The following PIEZO2 variants were observed in gnomAD, a reference collection of about 807,000 sequenced individuals.
The protein encoded by PIEZO2 is piezo type mechanosensitive ion channel component 2.
In PIEZO2, 172 loss-of-function variants were observed where a neutral mutation model predicts 337.3. That is an observed-to-expected ratio of 0.51 (90% CI 0.45 to 0.58). PIEZO2 has a LOEUF of 0.58. Among genes scored for constraint, PIEZO2 ranks in the 20% least tolerant of loss-of-function variants. The probability of loss-of-function intolerance (pLI) is 0.00; values close to 1 mark genes in which losing one functional copy is unlikely to be tolerated. For missense variants in PIEZO2, 3,028 were observed against 3,391.3 expected (o/e 0.89, Z 2.66); for synonymous variants, 1,251 against 1,228.5 (o/e 1.02, Z -0.38).
At position 10,704,594 on chromosome 18, in the gene PIEZO2, A is replaced by G. The variant is rs990955879; in HGVS notation, c.6058T>C (p.Phe2020Leu). 1.7e-5 allele frequency: 26 copies of G among 1,537,182 alleles called. No homozygotes were observed. The highest frequency in any genetic ancestry group is 2.3e-5 in the Non-Finnish European group (26 of 1,146,928). ...TACATGGCATAGAAGAGCAGCAGAA[A>G]TCGGGGCTGCCCCACGTAGAATTTC... is the stretch of plus-strand genomic sequence containing the variant. ...SEKFYVGQPR[F>L]LLLFYAMYNT... The change falls in exon 42 of 56, where the codon TTT becomes CTT. Residue 2020 changes from phenylalanine to leucine, a missense_variant. By Grantham distance (22) the Phe-to-Leu change is conservative (BLOSUM62 0). This residue lies in a region of PIEZO2 where 1,925 missense variants were observed against 2,051.9 expected (regional missense o/e 0.94). Coordinates refer to ENST00000674853, the MANE Select transcript of PIEZO2 (RefSeq NM_001378183.1).
chr18:11,046,591 G>A (rs141399620), intron 2 of PIEZO2, among the ~76,000 whole-genome samples: 288 of 152,350 alleles, frequency 1.9e-3, no homozygotes, highest in African/African-American at 4.3e-3. Context: ...GCTCCTTTGC[G>A]CCGTGGCTCC....
At position 10,773,852 on chromosome 18, in the gene PIEZO2, T is replaced by A. The variant is rs1046642084; in HGVS notation, c.2567+154A>T. On this transcript the variant is annotated intron_variant, in intron 19 of 55. Transcript: ENST00000674853. The surrounding 1 kb of genome is among the most constrained non-coding windows in gnomAD (Gnocchi z 5.3). ...CTTGGTTAGGTTTTGTTAGCTTTTTTAATTCGGGTTCTAGTGATTAGTTGG... is the reference window on the plus strand; with the variant it reads ...CTTGGTTAGGTTTTGTTAGCTTTTTAAATTCGGGTTCTAGTGATTAGTTGG... 5.9e-5 allele frequency among the ~76,000 whole-genome samples: 9 copies of A among 152,362 alleles called. No individual in the cohort carries two copies. The highest frequency in any genetic ancestry group is 3.9e-4 in the East Asian group (2 of 5,190).
chr18:10,697,167 C>T (rs968724331), intron 45 of PIEZO2, among the ~76,000 whole-genome samples: 2 of 152,178 alleles, frequency 1.3e-5, no homozygotes, highest in African/African-American at 4.8e-5. Context: ...TAACCTTTGC[C>T]CTATCTTTGC....
intron 4 of PIEZO2, among the ~76,000 whole-genome samples, chr18:10,908,971 G>A (rs182448227): frequency 6.6e-6 from 1 of 152,300 alleles, no homozygotes; most frequent in Admixed American, 6.5e-5. Context: ...ACAAATGACA[G>A]TAGCCAAATC....
chr18:11,013,124 A>T (rs1164398559), intron 2 of PIEZO2, among the ~76,000 whole-genome samples: 1 of 152,240 alleles, frequency 6.6e-6, no homozygotes, highest in Non-Finnish European at 1.5e-5. Context: ...ACCTGTGAAT[A>T]TGTTACTTTA....
chr18:11,051,873 G>A (rs1239958502), intron 2 of PIEZO2, among the ~76,000 whole-genome samples: 7 of 152,214 alleles, frequency 4.6e-5, no homozygotes, highest in African/African-American at 1.7e-4. Context: ...AAGCATCTAT[G>A]CCAGCTTTGT....
chr18:10,841,299 A>G (rs1003386456), intron 7 of PIEZO2, among the ~76,000 whole-genome samples: 1 of 152,158 alleles, frequency 6.6e-6, no homozygotes, highest in Non-Finnish European at 1.5e-5. Context: ...CTGCATCAAG[A>G]GAGTTTTCAG....
rs1057216105 is a variant in PIEZO2, at chr18:10,899,320, A to G, written c.329+11866T>C. On this transcript the variant is annotated intron_variant, in intron 4 of 55. Transcript: ENST00000674853. This position sits in a 1 kb window ranked among gnomAD's most constrained non-coding sequence, Gnocchi z 4.6. ...GTGTGTGTGTGTGTAGAGGTATATC[A>G]GGAAAATGAAGAATCAGGAAGAAAC... Among the ~76,000 whole-genome samples, 1 of 152,222 alleles carries G rather than the reference A, an allele frequency of 6.6e-6. No individual in the cohort carries two copies. Among genetic ancestry groups the G allele is most frequent in the Non-Finnish European group, 1.5e-5 (1 of 68,028 alleles).
At position 11,136,676 on chromosome 18, in the gene PIEZO2, G is replaced by C. The variant is rs559498709; in HGVS notation, c.64+11849C>G. ...AGGAAGGAGAGGGGGTTGAAGAACAGGAAGCTCACACCCCCACAGCTAATG... is the reference window on the plus strand; with the variant it reads ...AGGAAGGAGAGGGGGTTGAAGAACACGAAGCTCACACCCCCACAGCTAATG... On this transcript the variant is annotated intron_variant, in intron 1 of 55. Coordinates refer to ENST00000674853, the MANE Select transcript of PIEZO2 (RefSeq NM_001378183.1). Among the ~76,000 whole-genome samples the C allele has an allele frequency of 1.6e-3, 243 of 152,234 alleles. 1 individual carries two copies. The highest frequency in any genetic ancestry group is 2.7e-3 in the Non-Finnish European group (182 of 68,028).
At chr18:11,137,140 A>G (rs1423783515) in intron 1 of PIEZO2, among the ~76,000 whole-genome samples, 1 of 152,064 alleles carries the variant, frequency 6.6e-6, no homozygotes, top group African/African-American at 2.4e-5. Flanking sequence ...GTGAGGGAGG[A>G]TCATCGAAAT....
chr18:10,765,035 T>G (rs1170773353), intron 21 of PIEZO2, among the ~76,000 whole-genome samples: 1 of 152,218 alleles, frequency 6.6e-6, no homozygotes, highest in South Asian at 2.1e-4. Context: ...ACTTTTAATT[T>G]TCTGAGTGAT....
Position 10,949,289 on chromosome 18 carries a change from T to C in PIEZO2, c.286+30246A>G, listed in dbSNP as rs375312827. Among the ~76,000 whole-genome samples the C allele has an allele frequency of 1.3e-4, 20 of 152,350 alleles. No individual in the cohort carries two copies. The East Asian group carries it at 3.5e-3, about 26-fold the overall frequency. On this transcript the variant is annotated intron_variant, in intron 3 of 55. Transcript: ENST00000674853. ...GTGATGAGTCTATGTACATTTGCCC[T>C]TCACATAATCAATGCAATACACCCT...
intron 21 of PIEZO2, among the ~76,000 whole-genome samples, chr18:10,765,771 C>T (rs188671816): frequency 2.1e-4 from 31 of 150,940 alleles, no homozygotes; most frequent in Admixed American, 1.3e-3. Context: ...TGAGCTCACC[C>T]ATGAGAGTCC....
chr18:10,937,253 T>A lies in PIEZO2; in HGVS notation c.287-26025A>T, dbSNP rs555381707. Among the ~76,000 whole-genome samples, 3 of 152,276 alleles carry A rather than the reference T, an allele frequency of 2.0e-5. No homozygotes were observed. The East Asian group carries it at 5.8e-4, about 29-fold the overall frequency. ...CTCCCTTGGGTTAGTACTTTACAGA[T>A]TTCAGGGTTCTTTCCTAGCAAACAC... On this transcript the variant is annotated intron_variant, in intron 3 of 55. Transcript: ENST00000674853.
At chr18:10,939,718 G>A (rs749828989) in intron 3 of PIEZO2, among the ~76,000 whole-genome samples, 5 of 152,088 alleles carry the variant, frequency 3.3e-5, no homozygotes, top group Admixed American at 1.3e-4. Context: ...GTTGAACAAC[G>A]AGAACACATG....
intron 33 of PIEZO2, chr18:10,739,768 T>C (rs1414476910): frequency 1.3e-5 from 2 of 152,210 alleles, no homozygotes; most frequent in Non-Finnish European, 2.9e-5. Flanking sequence ...TAATCTTGTG[T>C]TTTTCTTTTT....
chr18:10,710,339 G>A (rs765350847), intron 39 of PIEZO2, among the ~76,000 whole-genome samples: 3 of 152,246 alleles, frequency 2.0e-5, no homozygotes, highest in South Asian at 4.2e-4. Context: ...AATAGGCCCC[G>A]ACAGTAGGCC....
At chr18:10,826,274 T>C (rs1372205654) in intron 7 of PIEZO2, among the ~76,000 whole-genome samples, 1 of 152,174 alleles carries the variant, frequency 6.6e-6, no homozygotes, top group Non-Finnish European at 1.5e-5. Context: ...TACGCAGATA[T>C]AGAAATATTT....
intron 18 of PIEZO2, among the ~76,000 whole-genome samples, chr18:10,778,561 T>A (rs1182534546): frequency 1.3e-5 from 2 of 152,104 alleles, no homozygotes; most frequent in Non-Finnish European, 1.5e-5. Context: ...CTCGATCTCC[T>A]GACCTCATGA....
Sources: allele counts gnomAD v4.1 joint callset (sites outside exome capture counted in the v4.1 genomes callset), GRCh38; gene constraint gnomAD v4.1.1; regional missense constraint gnomAD v4.1.1; non-coding constraint Gnocchi (gnomAD v3.1); transcripts MANE v1.5; gene names NCBI Gene and HGNC (gene_info 2026-07-23, HGNC 2026-07-21).